The following DNAH11 variants were observed in gnomAD, a reference collection of about 807,000 sequenced individuals.
The protein encoded by DNAH11 is dynein axonemal heavy chain 11.
In DNAH11, 442 loss-of-function variants were observed where a neutral mutation model predicts 526.0. The ratio of observed to expected loss-of-function variants is 0.84; its 90% confidence interval spans 0.78 to 0.91. The LOEUF (loss-of-function observed/expected upper bound fraction) is 0.91, where lower values mean the gene tolerates loss of function less well. Ranked by LOEUF, DNAH11 falls within the 40% of genes least tolerant of loss-of-function variation. DNAH11 has a pLI of 0.00. For synonymous variants in DNAH11, 2,461 were observed against 1,935.9 expected (o/e 1.27, Z -7.12); for missense variants, 6,989 against 5,448.7 (o/e 1.28, Z -8.90).
At chr7:21,585,634 C>T (rs562841557) in intron 9 of DNAH11, among the ~76,000 whole-genome samples, 19 of 152,066 alleles carry the variant, frequency 1.2e-4, no homozygotes, top group Non-Finnish European at 2.2e-4. Flanking sequence ...GAAGGTAAAC[C>T]GAAGTGTGTA....
chr7:21,820,276 C>A (rs1431341520), intron 65 of DNAH11, among the ~76,000 whole-genome samples: 1 of 152,176 alleles, frequency 6.6e-6, no homozygotes. Context: ...GAGGAAGCTA[C>A]ACTTCCATAA....
In DNAH11 at chr7:21,735,635, C is replaced by G; in HGVS notation, c.7441-5C>G. Reference sequence around the variant, plus strand: ...ATCTTTGTCTCATTCTGTTTCTCCTCCCAGACAGTTCTCGTTCACACAACA... The same window carrying G: ...ATCTTTGTCTCATTCTGTTTCTCCTGCCAGACAGTTCTCGTTCACACAACA... On this transcript the variant is annotated splice_region_variant and splice_polypyrimidine_tract_variant and intron_variant, in intron 45 of 81. Coordinates refer to ENST00000409508, the MANE Select transcript of DNAH11 (RefSeq NM_001277115.2). The G allele has an allele frequency of 6.4e-7, 1 of 1,571,456 alleles. No homozygotes were observed. The highest frequency in any genetic ancestry group is 8.6e-7 in the Non-Finnish European group (1 of 1,156,836).
intron 61 of DNAH11, among the ~76,000 whole-genome samples, chr7:21,797,779 G>A (rs923222640): frequency 6.6e-6 from 1 of 152,058 alleles, no homozygotes; most frequent in Non-Finnish European, 1.5e-5. Context: ...CATGCCAAGG[G>A]CCAACTTTTA....
intron 46 of DNAH11, among the ~76,000 whole-genome samples, chr7:21,737,059 T>G (rs1446821027): frequency 1.3e-5 from 2 of 152,198 alleles, no homozygotes; most frequent in Non-Finnish European, 2.9e-5. Context: ...AGAGATGGCC[T>G]ATTAGTGCGA....
At chr7:21,563,859 G>C (rs1003792467) in intron 5 of DNAH11, among the ~76,000 whole-genome samples, 1 of 152,128 alleles carries the variant, frequency 6.6e-6, no homozygotes, top group African/African-American at 2.4e-5. Flanking sequence ...ATTGCAGAGA[G>C]GTTTTATTCC....
In DNAH11 at chr7:21,789,257, A is replaced by G. The variant is rs1289008482; in HGVS notation, c.9941A>G (p.Glu3314Gly). The G allele has an allele frequency of 1.9e-6, 3 of 1,572,294 alleles. No individual in the cohort carries two copies. The South Asian group carries it at 3.5e-5, about 18-fold the overall frequency. ...IKFYEVYCDV[E>G]PKRQALAQAN... ...AATTTTCAGGTCTACTGTGATGTGGAGCCAAAACGCCAAGCATTAGCCCAA... is the reference window on the plus strand; with the variant it reads ...AATTTTCAGGTCTACTGTGATGTGGGGCCAAAACGCCAAGCATTAGCCCAA... Residue 3314 changes from glutamate (E) to glycine (G), a missense_variant, in exon 61 of 82, where the codon GAG becomes GGG. By Grantham distance (98) the Glu-to-Gly change is moderately conservative. Transcript: ENST00000409508.
chr7:21,588,601 A>G lies in DNAH11; in HGVS notation c.1938A>G (p.Gln646=). ...KWAQQVLQRL[Q]MFWSNFASLR... is the part of the protein sequence containing the mutation. ...CCCAGCAGGTTCTCCAACGACTTCA[A>G]ATGTTTTGGTCAAACTTCGCATCTC... is the stretch of plus-strand genomic sequence containing the variant. The change falls in exon 11 of 82, where the codon CAA becomes CAG. Residue 646 remains glutamine, a synonymous_variant. Coordinates refer to ENST00000409508, the MANE Select transcript of DNAH11 (RefSeq NM_001277115.2). The G allele has an allele frequency of 6.2e-7, 1 of 1,613,710 alleles. No homozygotes were observed. The highest frequency in any genetic ancestry group is 8.5e-7 in the Non-Finnish European group (1 of 1,179,648).
intron 65 of DNAH11, among the ~76,000 whole-genome samples, chr7:21,830,269 G>A (rs1790491681): frequency 7.3e-6 from 1 of 137,626 alleles, no homozygotes; most frequent in Admixed American, 6.8e-5. Flanking sequence ...ATGATTTATT[G>A]TAAAAAAATT....
At chr7:21,867,816 G>A (rs1261463474) in intron 71 of DNAH11, 43 bp from the exon 72 acceptor site, 30 of 1,540,968 alleles carry the variant, frequency 1.9e-5, no homozygotes, top group Non-Finnish European at 2.5e-5. Flanking sequence ...TCTTTTCAAG[G>A]TCAAAACCAC....
chr7:21,766,657 T>C (rs767093756), intron 55 of DNAH11, among the ~76,000 whole-genome samples: 7 of 152,252 alleles, frequency 4.6e-5, no homozygotes, highest in South Asian at 2.1e-4. Context: ...ACATATTTAA[T>C]TGTTTGTATG....
At chr7:21,830,294 CAATTTATG>C (rs1279736586) in intron 65 of DNAH11, among the ~76,000 whole-genome samples, 2 of 152,102 alleles carry the variant, frequency 1.3e-5, no homozygotes, top group Non-Finnish European at 2.9e-5. Context: ...ATTAATAATT[CAATTTATG>C]AATCTATTGA....
intron 20 of DNAH11, among the ~76,000 whole-genome samples, chr7:21,613,637 A>G (rs1386796049): frequency 6.6e-6 from 1 of 152,240 alleles, no homozygotes; most frequent in Non-Finnish European, 1.5e-5. Context: ...TATAGTTAAT[A>G]GCAACGTACT....
At chr7:21,727,161 C>T (rs1355773176) in intron 45 of DNAH11, among the ~76,000 whole-genome samples, 1 of 151,776 alleles carries the variant, frequency 6.6e-6, no homozygotes, top group Non-Finnish European at 1.5e-5. Flanking sequence ...TCTCGATCTC[C>T]TGACCTCGTG....
Position 21,559,624 on chromosome 7 carries a change from A to C in DNAH11, c.714A>C (p.Ile238=). The change falls in exon 4 of 82, where the codon ATA becomes ATC. Residue 238 remains isoleucine, a synonymous_variant. Coordinates refer to ENST00000409508, the MANE Select transcript of DNAH11 (RefSeq NM_001277115.2). ...SENKPPSNER[I]ILHAIESVVI... is the part of the protein sequence containing the mutation. ...GTAGGCCACCGTCAAACGAAAGGAT[A>C]ATACTTCATGCAATTGAATCTGTGG... 6.2e-7 allele frequency: 1 copy of C among 1,609,868 alleles called. No individual in the cohort carries two copies.
rs556157594 is a variant in DNAH11 at position 21,648,886 on chromosome 7, C to A, written c.4945-6946C>A. 5.9e-5 allele frequency among the ~76,000 whole-genome samples: 9 copies of A among 152,164 alleles called. No homozygotes were observed. In the South Asian group the frequency reaches 1.9e-3, roughly 32 times the overall value. The stretch of plus-strand genomic sequence containing the variant: ...TTTTCTTTATTTCTTTAATTTTTTT[C>A]CCTTCCTGAATACCTTGATATTATT... On this transcript the variant is annotated intron_variant, in intron 28 of 81. Transcript: ENST00000409508.
Position 21,861,854 on chromosome 7 carries a change from C to T in DNAH11, c.11204C>T (p.Ala3735Val), listed in dbSNP as rs569848783. 1.2e-6 allele frequency: 2 copies of T among 1,610,452 alleles called. No homozygotes were observed. Among genetic ancestry groups the T allele is most frequent in the Admixed American group, 1.7e-5 (1 of 59,410 alleles). The change falls in exon 69 of 82, where the codon GCT becomes GTT. Residue 3735 changes from alanine to valine, a missense_variant and splice_region_variant. Ala to Val is a moderately conservative substitution (Grantham distance 64). Coordinates refer to ENST00000409508, the MANE Select transcript of DNAH11 (RefSeq NM_001277115.2). ...INPLYQFSLK[A>V]FNVLFHRAIE... ...TAATGGTCACATTAAATTTCCCAGG[C>T]TTTTAACGTGCTGTTCCACAGAGCG...
rs1465675381 is a variant in DNAH11, at chr7:21,571,801, C to T, written c.1426-5C>T. 2.5e-6 allele frequency: 4 copies of T among 1,600,288 alleles called. No homozygotes were observed. The South Asian group carries it at 3.4e-5, about 14-fold the overall frequency. On this transcript the variant is annotated splice_region_variant and splice_polypyrimidine_tract_variant and intron_variant, in intron 7 of 81. Transcript: ENST00000409508. ...GGAAAGGTCTTTACTGTGTTTTTTA[C>T]AAAGGATATATTTGCCACCACTTTG... is the stretch of plus-strand genomic sequence containing the variant.
intron 69 of DNAH11, among the ~76,000 whole-genome samples, chr7:21,863,733 C>T (rs982647704): frequency 1.3e-5 from 2 of 152,166 alleles, no homozygotes; most frequent in African/African-American, 4.8e-5. Flanking sequence ...TAAGTCCTGA[C>T]AATCTATATA....
rs1038119937 is a variant in DNAH11, at chr7:21,742,160, C to G, written c.8148C>G (p.Val2716=). 6.2e-7 allele frequency: 1 copy of G among 1,613,526 alleles called. No individual in the cohort carries two copies. Among genetic ancestry groups the G allele is most frequent in the African/African-American group, 1.3e-5 (1 of 74,906 alleles). ...YIFNLRDLSN[V]FQGILFASPE... ...TTAATCTGAGAGATTTATCAAACGT[C>G]TTCCAGGTACCTTGACTGCTCTATG... Residue 2716 remains valine (V), a synonymous_variant, in exon 49 of 82, where the codon GTC becomes GTG. Transcript: ENST00000409508.
Sources: gnomAD v4.1 joint callset for allele counts (sites outside exome capture counted in the v4.1 genomes callset) on GRCh38, gnomAD v4.1.1 for gene constraint, MANE v1.5 for transcripts, NCBI Gene and HGNC (gene_info 2026-07-23, HGNC 2026-07-21) for gene names.